The following NFRKB variants were observed in gnomAD, a reference collection of about 807,000 sequenced individuals.
NFRKB encodes nuclear factor related to kappa-B-binding protein.
In NFRKB, 62 loss-of-function variants were observed where a neutral mutation model predicts 135.7. That is an observed-to-expected ratio of 0.46 (90% confidence interval 0.37 to 0.56). NFRKB has a LOEUF of 0.56. Ranked by LOEUF, NFRKB falls within the 20% of genes least tolerant of loss-of-function variation. The pLI is 0.00. For missense variants in NFRKB, 1,545 were observed against 1,662.0 expected (o/e 0.93, Z 1.22); for synonymous variants, 678 against 635.6 (o/e 1.07, Z -1.00).
At chr11:129,886,960 C>T (rs1056673620) in intron 4 of NFRKB, among the ~76,000 whole-genome samples, 1 of 152,158 alleles carries the variant, frequency 6.6e-6, no homozygotes, top group African/African-American at 2.4e-5. Context: ...ACTAGTAACC[C>T]ACCAAAGAAG....
In NFRKB at chr11:129,892,760, G is replaced by A. The variant is rs570947455; in HGVS notation, c.90C>T (p.Leu30=). Residue 30 remains leucine, a synonymous_variant, in exon 3 of 27, where the codon CTC becomes CTT. Coordinates refer to ENST00000682444, the MANE Select transcript of NFRKB (RefSeq NM_001143835.2). ...GHGTRIMEDC[L]LGGTRVSLPE... is the part of the protein sequence containing the mutation. ...GCAGACTAACTCTGGTGCCTCCCAGGAGGCAATCCTCCATGATGCGCGTGC... is the reference window on the plus strand; with the variant it reads ...GCAGACTAACTCTGGTGCCTCCCAGAAGGCAATCCTCCATGATGCGCGTGC... 1.9e-6 allele frequency: 3 copies of A among 1,614,184 alleles called. No individual in the cohort carries two copies. The highest frequency in any genetic ancestry group is 2.5e-6 in the Non-Finnish European group (3 of 1,180,042).
intron 24 of NFRKB, 53 bp from the exon 25 acceptor site, chr11:129,866,036 C>G (rs1384168183): frequency 1.4e-6 from 2 of 1,437,414 alleles, no homozygotes; most frequent in Non-Finnish European, 1.9e-6. Flanking sequence ...GGAAAACCAG[C>G]AAGTGTCACC....
intron 17 of NFRKB, 137 bp from the exon 18 acceptor site, chr11:129,875,600 A>T: frequency 1.8e-6 from 1 of 554,170 alleles, no homozygotes; most frequent in Non-Finnish European, 3.1e-6. Context: ...GATTAGGTGC[A>T]CTCTGCCCTC....
Position 129,863,910 on chromosome 11 carries a change from C to G in NFRKB, c.*815G>C, listed in dbSNP as rs1318368322. 1 of 152,328 alleles carries G rather than the reference C, an allele frequency of 6.6e-6. No individual in the cohort carries two copies. Among genetic ancestry groups the G allele is most frequent in the Non-Finnish European group, 1.5e-5 (1 of 68,152 alleles). 9.4% of individuals were successfully genotyped at this position (152,328 alleles called of 1,614,324 possible). On this transcript the variant is annotated 3_prime_UTR_variant, in exon 27 of 27. Coordinates refer to ENST00000682444, the MANE Select transcript of NFRKB (RefSeq NM_001143835.2). ...CAAAGTTTCTGCTGCAAAAGCAGCA[C>G]CTCTGCTGTCCGTCCCCTCCTCTCT... is the stretch of plus-strand genomic sequence containing the variant.
intron 23 of NFRKB, chr11:129,872,643 G>C (rs1948569648): frequency 7.5e-6 from 3 of 399,750 alleles, no homozygotes; most frequent in Non-Finnish European, 1.3e-5. Context: ...TCTAAATCCA[G>C]AAACTCGACT....
At chr11:129,865,134 A>T in intron 25 of NFRKB, 33 bp from the exon 26 acceptor site, 3 of 1,592,138 alleles carry the variant, frequency 1.9e-6, no homozygotes, top group South Asian at 2.2e-5. Context: ...AGATATAATG[A>T]TATCGACAGG....
At chr11:129,875,859 G>T (rs141977837) in intron 17 of NFRKB, among the ~76,000 whole-genome samples, 1 of 151,902 alleles carries the variant, frequency 6.6e-6, no homozygotes, top group Non-Finnish European at 1.5e-5. Context: ...GTTTCATCAC[G>T]TTGACCAGGC....
intron 24 of NFRKB, 69 bp from the exon 25 acceptor site, chr11:129,866,052 G>T: frequency 7.5e-7 from 1 of 1,324,888 alleles, no homozygotes; most frequent in Non-Finnish European, 1.0e-6. Context: ...TCACCTCCAG[G>T]GCATCAGGAA....
At position 129,877,367 on chromosome 11, in the gene NFRKB, C is replaced by T. The variant is rs1948816761; in HGVS notation, c.1530G>A (p.Val510=). The T allele has an allele frequency of 1.2e-6, 2 of 1,614,198 alleles. No homozygotes were observed. Among genetic ancestry groups the T allele is most frequent in the African/African-American group, 1.3e-5 (1 of 75,058 alleles). The change falls in exon 16 of 27, where the codon GTG becomes GTA. Residue 510 remains valine, a synonymous_variant. Coordinates refer to ENST00000682444, the MANE Select transcript of NFRKB (RefSeq NM_001143835.2). ...GTTTCTCCTCCCCCGTGCTGGGACGCACCACATAGTCAGTTCTTCTGGAAT... is the reference window on the plus strand; with the variant it reads ...GTTTCTCCTCCCCCGTGCTGGGACGTACCACATAGTCAGTTCTTCTGGAAT... ...PVPRVRTDYV[V]RPSTGEEKRV...
At chr11:129,871,257 T>C (rs1948488861) in intron 23 of NFRKB, among the ~76,000 whole-genome samples, 1 of 152,230 alleles carries the variant, frequency 6.6e-6, no homozygotes. Context: ...TGGGGTTTTT[T>C]CCAAATAATC....
Position 129,874,166 on chromosome 11 carries a change from T to G in NFRKB, c.2226A>C (p.Ala742=), listed in dbSNP as rs780151702. 6.6e-7 allele frequency: 1 copy of G among 1,524,834 alleles called. No homozygotes were observed. Among genetic ancestry groups the G allele is most frequent in the South Asian group, 1.3e-5 (1 of 74,970 alleles). 94.5% of individuals were successfully genotyped at this position (1,524,834 alleles called of 1,614,324 possible). A position where few individuals can be genotyped will look rare whatever the true frequency, so the allele number is the denominator to read the frequency against. Residue 742 remains alanine (A), a synonymous_variant, in exon 21 of 27, where the codon GCA becomes GCC. Transcript: ENST00000682444. This position sits in a 1 kb window ranked among gnomAD's most constrained non-coding sequence, Gnocchi z 4.5. ...CTGTGGAAGGGCCGCTTTTGTTCAC[T>G]GCCGATACAGGTGGAGGGGAGATGG... ...AIPISPPPVS[A]VNKSGPSTVS...
chr11:129,888,465 A>C, intron 4 of NFRKB, 129 bp downstream of exon 4: 1 of 960,314 alleles, frequency 1.0e-6, no homozygotes, highest in Non-Finnish European at 1.7e-6. Context: ...GTTACACAAA[A>C]CCGCTCTTTG....
chr11:129,873,178 C>T, intron 22 of NFRKB, 82 bp from the exon 23 acceptor site: 1 of 1,254,414 alleles, frequency 8.0e-7, no homozygotes, highest in Non-Finnish European at 1.1e-6. Context: ...CCCTCAGCAC[C>T]CCGGAAGCAT....
intron 18 of NFRKB, 114 bp from the exon 19 acceptor site, chr11:129,875,030 T>C: frequency 7.3e-7 from 1 of 1,370,400 alleles, no homozygotes; most frequent in South Asian, 1.3e-5. Flanking sequence ...GCAGATTCTA[T>C]CTCAGCCTAG....
intron 3 of NFRKB, among the ~76,000 whole-genome samples, chr11:129,889,891 T>C (rs2135675032): frequency 1.3e-5 from 2 of 151,760 alleles, no homozygotes; most frequent in Middle Eastern, 6.8e-3. Context: ...TGGGCTTCAG[T>C]GGTCTTAGTA....
intron 2 of NFRKB, 56 bp from the exon 3 acceptor site, chr11:129,892,926 G>C: frequency 6.2e-7 from 1 of 1,611,310 alleles, no homozygotes; most frequent in Non-Finnish European, 8.5e-7. Flanking sequence ...GGATCTAGTT[G>C]ATGCTAACAC....
intron 5 of NFRKB, among the ~76,000 whole-genome samples, chr11:129,885,955 T>C (rs775385561): frequency 6.6e-6 from 1 of 152,198 alleles, no homozygotes; most frequent in Non-Finnish European, 1.5e-5. Flanking sequence ...TTGGGCCTGT[T>C]ATGCTACCAT....
chr11:129,889,832 G>A (rs1344058367), intron 3 of NFRKB, among the ~76,000 whole-genome samples: 1 of 151,632 alleles, frequency 6.6e-6, no homozygotes, highest in Non-Finnish European at 1.5e-5. Flanking sequence ...AGAAAGGATA[G>A]CAGTTACCTG....
At chr11:129,895,329 G>A (rs1949724261) in intron 1 of NFRKB, among the ~76,000 whole-genome samples, 167 bp downstream of exon 1, 1 of 139,908 alleles carries the variant, frequency 7.1e-6, no homozygotes, top group Non-Finnish European at 1.5e-5. Flanking sequence ...CCCCCACGCC[G>A]TGCCTAACCC....
Sources: allele counts gnomAD v4.1 joint callset (sites outside exome capture counted in the v4.1 genomes callset), GRCh38; gene constraint gnomAD v4.1.1; non-coding constraint Gnocchi (gnomAD v3.1); transcripts MANE v1.5; gene names NCBI Gene and HGNC (gene_info 2026-07-23, HGNC 2026-07-21).